The following AP2A2 variants were observed in gnomAD, a reference collection of about 807,000 sequenced individuals.
AP2A2 encodes the protein AP-2 complex subunit alpha-2.
In AP2A2, 32 loss-of-function variants were observed where a neutral mutation model predicts 104.2. The observed-to-expected ratio is 0.31, with a 90% CI of 0.23 to 0.41. AP2A2 has a LOEUF of 0.41. Ranked by LOEUF, AP2A2 falls within the 10% of genes least tolerant of loss-of-function variation. AP2A2 has a pLI of 1.00. For missense variants in AP2A2, 912 were observed against 1,261.0 expected, an observed-to-expected ratio of 0.72 and a Z score of 4.19; for synonymous variants, 539 against 533.3, an observed-to-expected ratio of 1.01 and a Z score of -0.15.
chr11:1,001,089 G>A lies in AP2A2; in HGVS notation c.2123+491G>A, dbSNP rs181150565. ...CTTCTGTGAGGCCCACCCTGCTCAC[G>A]CCTTCGGCCTCCACCCTGTGGTTCC... On this transcript the variant is annotated intron_variant, in intron 15 of 21. Transcript: ENST00000448903. 3.1e-3 allele frequency among the ~76,000 whole-genome samples: 478 copies of A among 152,272 alleles called. 2 individuals carry two copies. Among genetic ancestry groups the A allele is most frequent in the Admixed American group, 7.6e-3 (116 of 15,310 alleles).
chr11:933,621 T>C, intron 1 of AP2A2: 1 of 456,156 alleles, frequency 2.2e-6, no homozygotes, highest in Non-Finnish European at 4.4e-6. Context: ...AGCCCTATTT[T>C]AAATAGCGCC....
chr11:983,603 T>A (rs979793849), intron 6 of AP2A2, among the ~76,000 whole-genome samples: 8 of 151,900 alleles, frequency 5.3e-5, no homozygotes, highest in Non-Finnish European at 1.0e-4. Flanking sequence ...CAGGATGGTC[T>A]CGATCTCCTG....
At chr11:988,964 T>C (rs1401523153) in intron 10 of AP2A2, 9 of 473,322 alleles carry the variant, frequency 1.9e-5, no homozygotes, top group African/African-American at 1.6e-4. Context: ...CACTGCACTC[T>C]AGCCTGGGCA....
chr11:1,008,035 G>A lies in AP2A2; in HGVS notation c.2320G>A (p.Val774Met), dbSNP rs768011293. Reference sequence around the variant, plus strand: ...ACACCTGAACCTGCAGACCAAGCCCGTGGACCCGACCGTGGAGGGGGGCGC... The same window carrying A: ...ACACCTGAACCTGCAGACCAAGCCCATGGACCCGACCGTGGAGGGGGGCGC... ...QPNLNLQTKP[V>M]DPTVEGGAQV... The change falls in exon 18 of 22, where the codon GTG becomes ATG. Residue 774 changes from valine (V) to methionine (M), a missense_variant. By Grantham distance (21) the Val-to-Met change is conservative. This residue lies in a region of AP2A2 where 239 missense variants were observed against 329.8 expected (regional missense o/e 0.72). Coordinates refer to ENST00000448903, the MANE Select transcript of AP2A2 (RefSeq NM_012305.4). 9.6e-6 allele frequency: 15 copies of A among 1,565,282 alleles called. No individual in the cohort carries two copies. Among genetic ancestry groups the A allele is most frequent in the East Asian group, 2.4e-5 (1 of 41,914 alleles).
intron 1 of AP2A2, among the ~76,000 whole-genome samples, chr11:950,190 A>C (rs1057377948): frequency 6.6e-6 from 1 of 151,800 alleles, no homozygotes; most frequent in African/African-American, 2.4e-5. Context: ...ATGTAAATGG[A>C]CTCCTACCTT....
chr11:943,743 G>T (rs1479753843), intron 1 of AP2A2, among the ~76,000 whole-genome samples: 1 of 150,360 alleles, frequency 6.7e-6, no homozygotes, highest in South Asian at 2.1e-4. Flanking sequence ...AGTCCCGACC[G>T]GAGATGCAGG....
chr11:948,901 T>A (rs1373357080), intron 1 of AP2A2, among the ~76,000 whole-genome samples: 14 of 152,128 alleles, frequency 9.2e-5, no homozygotes, highest in Non-Finnish European at 4.4e-5. Flanking sequence ...CAAGATCTTG[T>A]CACAAGAATA....
intron 17 of AP2A2, 116 bp downstream of exon 17, chr11:1,006,733 A>T (rs1033810401): frequency 1.3e-5 from 10 of 776,672 alleles, no homozygotes; most frequent in Non-Finnish European, 1.9e-5. Flanking sequence ...ATAATTCCAG[A>T]TGCTATATGA....
chr11:978,491 C>T (rs1283891639), intron 5 of AP2A2, among the ~76,000 whole-genome samples: 1 of 152,194 alleles, frequency 6.6e-6, no homozygotes, highest in Non-Finnish European at 1.5e-5. Context: ...TTTTATGCAT[C>T]TGGCTTTATT....
intron 10 of AP2A2, among the ~76,000 whole-genome samples, chr11:990,290 G>T (rs764434677): frequency 3.3e-5 from 5 of 152,186 alleles, no homozygotes; most frequent in Admixed American, 6.5e-5. Context: ...CGTGGTGTAG[G>T]GCAGGGCTGT....
chr11:929,524 T>C lies in AP2A2; in HGVS notation c.67+3436T>C, dbSNP rs1853220296. Among the ~76,000 whole-genome samples, 3 of 152,248 alleles carry C rather than the reference T, an allele frequency of 2.0e-5. No homozygotes were observed. The South Asian group carries it at 6.2e-4, about 32-fold the overall frequency. On this transcript the variant is annotated intron_variant, in intron 1 of 21. Transcript: ENST00000448903. ...ACGCTTGAAGGGGCGGATTTTGAGC[T>C]GAAATATCGTTAAAGCCTGTTTCAG...
intron 1 of AP2A2, among the ~76,000 whole-genome samples, chr11:947,124 C>T (rs938246915): frequency 1.3e-5 from 2 of 151,454 alleles, no homozygotes; most frequent in African/African-American, 4.9e-5. Context: ...GATTCTCCTG[C>T]CTTAGCCTTT....
rs1856458747 is a variant in AP2A2, at chr11:1,012,162, A to T, written c.*1537A>T. The T allele has an allele frequency of 6.6e-6, 1 of 152,438 alleles. No individual in the cohort carries two copies. Among genetic ancestry groups the T allele is most frequent in the Non-Finnish European group, 1.5e-5 (1 of 68,296 alleles). 9.4% of individuals were successfully genotyped at this position (152,438 alleles called of 1,614,324 possible). A position where few individuals can be genotyped will look rare whatever the true frequency, so the allele number is the denominator to read the frequency against. On this transcript the variant is annotated 3_prime_UTR_variant, in exon 22 of 22. Transcript: ENST00000448903. ...CAGAGGAAAGGCTGCTCCCCGAGGC[A>T]CCGCTTCCCTGTGCGGCGCTGCAGA...
At chr11:978,609 C>G (rs938526064) in intron 5 of AP2A2, among the ~76,000 whole-genome samples, 1 of 152,218 alleles carries the variant, frequency 6.6e-6, no homozygotes, top group South Asian at 2.1e-4. Flanking sequence ...CCAGTACTTT[C>G]CCTCCTTAGC....
intron 1 of AP2A2, among the ~76,000 whole-genome samples, chr11:931,752 A>G (rs1853298391): frequency 6.6e-6 from 1 of 151,628 alleles, no homozygotes; most frequent in Non-Finnish European, 1.5e-5. Flanking sequence ...AAAAATTATC[A>G]GTGCTCTGCT....
intron 16 of AP2A2, among the ~76,000 whole-genome samples, chr11:1,006,123 G>A (rs955342366): frequency 6.6e-6 from 1 of 152,250 alleles, no homozygotes; most frequent in African/African-American, 2.4e-5. Context: ...TCATGGGGCG[G>A]GGCCGGCAGA....
chr11:994,291 C>T (rs754855467), intron 14 of AP2A2, 46 bp downstream of exon 14: 1 of 1,599,484 alleles, frequency 6.3e-7, no homozygotes, highest in Non-Finnish European at 8.5e-7. Context: ...AGGGCCTCAC[C>T]CCCAAGACTT....
At chr11:949,683 G>C (rs1387961713) in intron 1 of AP2A2, among the ~76,000 whole-genome samples, 1 of 151,816 alleles carries the variant, frequency 6.6e-6, no homozygotes, top group Non-Finnish European at 1.5e-5. Flanking sequence ...GCTGAGGCAG[G>C]AGAAGTGCTA....
chr11:941,326 AT>A (rs1564783655), intron 1 of AP2A2, among the ~76,000 whole-genome samples: 1 of 152,038 alleles, frequency 6.6e-6, no homozygotes, highest in Non-Finnish European at 1.5e-5. Context: ...TGATAACTCT[AT>A]TGTCCTTGAT....
Sources: gnomAD v4.1 joint callset for allele counts (sites outside exome capture counted in the v4.1 genomes callset) on GRCh38, gnomAD v4.1.1 for gene constraint, gnomAD v4.1.1 regional missense constraint, MANE v1.5 for transcripts, NCBI Gene and HGNC (gene_info 2026-07-23, HGNC 2026-07-21) for gene names.